Variants in ZNF804B observed in about 807,000 individuals in gnomAD.
ZNF804B encodes the protein zinc finger 804B.
A neutral mutation model predicts 101.4 loss-of-function variants in ZNF804B; 80 were observed. That is an observed-to-expected ratio of 0.79 (90% CI 0.66 to 0.95). ZNF804B has a LOEUF of 0.95. ZNF804B is among the 40% of genes least tolerant of loss of function. The probability of loss-of-function intolerance (pLI) is 0.00; values close to 1 mark genes in which losing one functional copy is unlikely to be tolerated. For synonymous variants in ZNF804B, 622 were observed against 558.8 expected, an observed-to-expected ratio of 1.11 and a Z score of -1.59; for missense variants, 1,673 against 1,561.9, an observed-to-expected ratio of 1.07 and a Z score of -1.20.
rs1403633353 is a variant in ZNF804B, at chr7:89,130,906, TGTATTTTA to T, written c.109-87247_109-87240del. Reference sequence around the variant, plus strand: ...CTAAGCAGTCTTATCCCAATCTTCCTGTATTTTAGGAACTGAACGACCAAAGTTTATGA... The same window carrying T: ...CTAAGCAGTCTTATCCCAATCTTCCTGGAACTGAACGACCAAAGTTTATGA... On this transcript the variant is annotated intron_variant, in intron 1 of 3. Transcript: ENST00000333190. Among the ~76,000 whole-genome samples the T allele has an allele frequency of 3.2e-3, 491 of 152,168 alleles. 3 individuals are homozygous for T. Among genetic ancestry groups the T allele is most frequent in the African/African-American group, 0.011 (448 of 41,552 alleles).
At chr7:88,831,378 C>A (rs1316723513) in intron 1 of ZNF804B, among the ~76,000 whole-genome samples, 2 of 151,810 alleles carry the variant, frequency 1.3e-5, no homozygotes, top group Admixed American at 1.3e-4. Context: ...TAAAATGTTG[C>A]CATATTTATT....
At chr7:89,323,289 A>G (rs1790847902) in intron 2 of ZNF804B, among the ~76,000 whole-genome samples, 1 of 152,238 alleles carries the variant, frequency 6.6e-6, no homozygotes, top group Non-Finnish European at 1.5e-5. Context: ...AGCAAACTGA[A>G]TTGACTAAAA....
chr7:88,785,660 T>A (rs1790290759), intron 1 of ZNF804B, among the ~76,000 whole-genome samples: 1 of 152,128 alleles, frequency 6.6e-6, no homozygotes, highest in South Asian at 2.1e-4. Context: ...CTCTTATGAC[T>A]CCCCTTTGTA....
chr7:89,260,026 G>A (rs530343510), intron 2 of ZNF804B, among the ~76,000 whole-genome samples: 1 of 152,056 alleles, frequency 6.6e-6, no homozygotes, highest in East Asian at 1.9e-4. Context: ...GGGAGAGAGG[G>A]AGAGAAAGAA....
intron 1 of ZNF804B, among the ~76,000 whole-genome samples, chr7:89,010,947 G>T (rs1788451305): frequency 6.6e-6 from 1 of 152,262 alleles, no homozygotes; most frequent in East Asian, 1.9e-4. Context: ...AAAAGTTTTT[G>T]ATTGACTCCA....
intron 1 of ZNF804B, among the ~76,000 whole-genome samples, chr7:88,844,855 A>G (rs1181580733): frequency 6.6e-6 from 1 of 152,228 alleles, no homozygotes; most frequent in Admixed American, 6.5e-5. Flanking sequence ...AATAGGATAT[A>G]TGGGGAGTTA....
intron 1 of ZNF804B, among the ~76,000 whole-genome samples, chr7:89,108,843 C>T (rs962660237): frequency 1.3e-5 from 2 of 151,992 alleles, no homozygotes; most frequent in African/African-American, 4.8e-5. Context: ...GAAAGGTTAA[C>T]CTATATAAAA....
intron 1 of ZNF804B, among the ~76,000 whole-genome samples, chr7:89,005,136 T>C (rs1359315354): frequency 6.6e-6 from 1 of 151,996 alleles, no homozygotes; most frequent in African/African-American, 2.4e-5. Context: ...CAAAAACTCA[T>C]CACAAAACTG....
rs73384379 is a variant in ZNF804B, at chr7:89,308,851, A to G, written c.250-18493A>G. 3.5e-3 allele frequency among the ~76,000 whole-genome samples: 529 copies of G among 152,264 alleles called. 5 individuals carry two copies. The highest frequency in any genetic ancestry group is 0.012 in the African/African-American group (507 of 41,548). On this transcript the variant is annotated intron_variant, in intron 2 of 3. Transcript: ENST00000333190. ...AAAAAGTAGAAGTGGCTGTTTTTAT[A>G]TTTATTTACAAAAGGAGGCTGAAGG...
intron 2 of ZNF804B, among the ~76,000 whole-genome samples, chr7:89,287,422 G>T (rs1790219627): frequency 6.6e-6 from 1 of 152,130 alleles, no homozygotes; most frequent in African/African-American, 2.4e-5. Flanking sequence ...AATTTTCTCA[G>T]ATTTTCTCCC....
chr7:88,911,733 A>G (rs186387182), intron 1 of ZNF804B, among the ~76,000 whole-genome samples: 2 of 151,906 alleles, frequency 1.3e-5, no homozygotes, highest in East Asian at 1.9e-4. Flanking sequence ...ATACACAGCC[A>G]TATAACTACA....
intron 1 of ZNF804B, among the ~76,000 whole-genome samples, chr7:88,906,494 C>T (rs181007307): frequency 1.5e-4 from 23 of 152,176 alleles, no homozygotes; most frequent in African/African-American, 5.1e-4. Context: ...GTAATGTTCA[C>T]CCAGGAGTTA....
intron 1 of ZNF804B, among the ~76,000 whole-genome samples, chr7:89,125,631 C>G (rs183393116): frequency 6.6e-6 from 1 of 151,866 alleles, no homozygotes; most frequent in African/African-American, 2.4e-5. Flanking sequence ...AATTGTTCTT[C>G]GAATGCTTAA....
chr7:89,169,316 C>G (rs935937596), intron 1 of ZNF804B, among the ~76,000 whole-genome samples: 2 of 152,160 alleles, frequency 1.3e-5, no homozygotes, highest in East Asian at 1.9e-4. Flanking sequence ...GGTTGCCACT[C>G]GCGGCTCGAA....
At position 88,848,640 on chromosome 7, in the gene ZNF804B, A is replaced by T. The variant is rs552975768; in HGVS notation, c.108+88556A>T. Among the ~76,000 whole-genome samples, 574 of 139,092 alleles carry T rather than the reference A, an allele frequency of 4.1e-3. 1 individual carries two copies. Among genetic ancestry groups the T allele is most frequent in the East Asian group, 6.0e-3 (30 of 4,986 alleles). The allele number at this position is 139,092 out of a possible 152,430, so 91.2% of individuals were successfully genotyped here. On this transcript the variant is annotated intron_variant, in intron 1 of 3. Transcript: ENST00000333190. Reference sequence around the variant, plus strand: ...CATTTTCTTTTTTTTTTTTTTTTTTAAAAAACGTGTCTAGTTTTAGAAATT... The same window carrying T: ...CATTTTCTTTTTTTTTTTTTTTTTTTAAAAACGTGTCTAGTTTTAGAAATT...
At chr7:89,120,660 A>AAAAT (rs1258161969) in intron 1 of ZNF804B, among the ~76,000 whole-genome samples, 4 of 151,558 alleles carry the variant, frequency 2.6e-5, no homozygotes, top group Non-Finnish European at 5.9e-5. Context: ...TCCGCCTCAA[A>AAAAT]AAAAAAAAAA....
intron 1 of ZNF804B, among the ~76,000 whole-genome samples, chr7:89,135,235 G>A (rs1371621933): frequency 1.3e-5 from 2 of 152,042 alleles, no homozygotes; most frequent in South Asian, 2.1e-4. Flanking sequence ...AGAAAGTTGG[G>A]CATTCTCTTA....
intron 2 of ZNF804B, among the ~76,000 whole-genome samples, chr7:89,289,050 T>C (rs1790247981): frequency 6.6e-6 from 1 of 152,174 alleles, no homozygotes; most frequent in South Asian, 2.1e-4. Context: ...TACTTTAATC[T>C]CTAGTGTGAA....
rs141167220 is a variant in ZNF804B, at chr7:88,759,925, C to T, written c.-52C>T. Reference sequence around the variant, plus strand: ...CGCTGAGAAACCCGCCCGCTTTCCACGGCTGGTCGCCTGGTGAGGAGTTGA... The same window carrying T: ...CGCTGAGAAACCCGCCCGCTTTCCATGGCTGGTCGCCTGGTGAGGAGTTGA... On this transcript the variant is annotated 5_prime_UTR_variant, in exon 1 of 4. The change creates a new upstream start codon in the 5' untranslated region. Transcript: ENST00000333190. The T allele has an allele frequency of 8.6e-4, 1,310 of 1,526,918 alleles. 10 individuals are homozygous for T. In the African/African-American group the frequency reaches 0.016, roughly 19 times the overall value. 94.6% of individuals were successfully genotyped at this position (1,526,918 alleles called of 1,614,324 possible). A position where few individuals can be genotyped will look rare whatever the true frequency, so the allele number is the denominator to read the frequency against.
Sources: allele counts gnomAD v4.1 joint callset (sites outside exome capture counted in the v4.1 genomes callset), GRCh38; gene constraint gnomAD v4.1.1; transcripts MANE v1.5; gene names NCBI Gene and HGNC (gene_info 2026-07-23, HGNC 2026-07-21).